ZBTB25: variants seen among roughly 807,000 people sequenced by gnomAD.
ZBTB25 encodes the protein zinc finger and BTB domain-containing protein 25.
ZBTB25 carries 20 observed loss-of-function variants against 34.2 expected under a neutral mutation model. That is an observed-to-expected ratio of 0.58 (90% CI 0.41 to 0.85). The LOEUF is 0.85. ZBTB25 is among the 40% of genes least tolerant of loss of function. The probability of loss-of-function intolerance (pLI) is 0.00; values close to 1 mark genes in which losing one functional copy is unlikely to be tolerated. For missense variants in ZBTB25, 437 were observed against 521.8 expected (o/e 0.84, Z 1.58); for synonymous variants, 175 against 186.4 (o/e 0.94, Z 0.50).
chr14:64,471,707 A>T (rs574684344), intron 2 of ZBTB25: 41 of 161,150 alleles, frequency 2.5e-4, no homozygotes, highest in African/African-American at 1.0e-3. Context: ...TACTTGAAAC[A>T]GATGAAGTAA....
rs1295079323 is a variant in ZBTB25, at chr14:64,479,560, A to G, written c.*7363T>C. On this transcript the variant is annotated 3_prime_UTR_variant, in exon 3 of 3. Transcript: ENST00000608382. ...CAAAATCTGAATCAGTAGACTGCGTAAAGAAGATCACCCTCCCTGATGTGG... is the reference window on the plus strand; with the variant it reads ...CAAAATCTGAATCAGTAGACTGCGTGAAGAAGATCACCCTCCCTGATGTGG... 5 of 152,382 alleles carry G rather than the reference A, an allele frequency of 3.3e-5. No individual in the cohort carries two copies. In the East Asian group the frequency reaches 5.8e-4, roughly 18 times the overall value. The allele number at this position is 152,382 out of a possible 1,614,324, so 9.4% of individuals were successfully genotyped here. A position where few individuals can be genotyped will look rare whatever the true frequency, so the allele number is the denominator to read the frequency against.
At chr14:64,465,011 A>G (rs992790560) in intron 2 of ZBTB25, among the ~76,000 whole-genome samples, 9 of 152,158 alleles carry the variant, frequency 5.9e-5, no homozygotes, top group Non-Finnish European at 8.8e-5. Context: ...GTTTCCATTT[A>G]TATATGTAAT....
rs2078853526 is a variant in ZBTB25, at chr14:64,485,960, GT to G, written c.*962del. ...TTTATCTATGTGTGTATATCTTACT[GT>G]TTCTTAAATATTTTTTAATGTCTCT... On this transcript the variant is annotated 3_prime_UTR_variant, in exon 3 of 3. Coordinates refer to ENST00000608382, the MANE Select transcript of ZBTB25 (RefSeq NM_006977.5). 1.3e-5 allele frequency: 13 copies of G among 984,490 alleles called. No individual in the cohort carries two copies. The highest frequency in any genetic ancestry group is 1.6e-5 in the Non-Finnish European group (13 of 829,346). 61.0% of individuals were successfully genotyped at this position (984,490 alleles called of 1,614,324 possible).
intron 2 of ZBTB25, chr14:64,467,653 T>C (rs1350581219): frequency 6.6e-6 from 1 of 151,998 alleles, no homozygotes; most frequent in Non-Finnish European, 1.5e-5. Context: ...TCTAGTTGCA[T>C]GGCTTTTGAC....
At position 64,503,782 on chromosome 14, in the gene ZBTB25, G is replaced by T; in HGVS notation, c.-129C>A. ...TCGGCCGCCTCTCGCGCGGCTTCCC[G>T]CGCCGGCAGCCCGCGATGGCCCCAC... On this transcript the variant is annotated 5_prime_UTR_variant, in exon 1 of 3. Transcript: ENST00000608382. 1 of 205,594 alleles carries T rather than the reference G, an allele frequency of 4.9e-6. No individual in the cohort carries two copies. Among genetic ancestry groups the T allele is most frequent in the Non-Finnish European group, 8.6e-6 (1 of 116,830 alleles). 12.7% of individuals were successfully genotyped at this position (205,594 alleles called of 1,614,324 possible). A position where few individuals can be genotyped will look rare whatever the true frequency, so the allele number is the denominator to read the frequency against.
At chr14:64,458,863 G>A (rs1169179283) in intron 2 of ZBTB25, among the ~76,000 whole-genome samples, 1 of 152,198 alleles carries the variant, frequency 6.6e-6, no homozygotes, top group Non-Finnish European at 1.5e-5. Context: ...AACAGGACGT[G>A]TCTCTCCTTA....
intron 2 of ZBTB25, chr14:64,467,055 T>G (rs2141002202): frequency 6.6e-6 from 1 of 152,344 alleles, no homozygotes; most frequent in African/African-American, 2.4e-5. Context: ...CGTGGTTCAA[T>G]TATGAGTTGA....
chr14:64,459,167 G>C (rs2140994907), intron 2 of ZBTB25, among the ~76,000 whole-genome samples: 1 of 152,288 alleles, frequency 6.6e-6, no homozygotes, highest in South Asian at 2.1e-4. Flanking sequence ...GCAAGGGTTT[G>C]CCACCCCACA....
In ZBTB25 at chr14:64,454,551, T is replaced by A. The variant is rs547403830; in HGVS notation, c.174-4913A>T. 5.9e-5 allele frequency among the ~76,000 whole-genome samples: 9 copies of A among 152,198 alleles called. No homozygotes were observed. The South Asian group carries it at 1.9e-3, about 32-fold the overall frequency. On this transcript the variant is annotated intron_variant, in intron 2 of 2. Transcript: ENST00000555220. Reference sequence around the variant, plus strand: ...AACTCCCTCACCCAACAGTTCTTTTTTTTTTTTTTTGGCTTAATAAATAAG... The same window carrying A: ...AACTCCCTCACCCAACAGTTCTTTTATTTTTTTTTTGGCTTAATAAATAAG...
downstream of ZBTB25, among the ~76,000 whole-genome samples, chr14:64,476,986 G>A (rs944524114): frequency 6.6e-6 from 1 of 152,170 alleles, no homozygotes; most frequent in African/African-American, 2.4e-5. Context: ...TTTACATACA[G>A]CAAAATCCAC....
chr14:64,468,351 A>AAGAG (rs1566586775), intron 2 of ZBTB25: 1 of 1,514,846 alleles, frequency 6.6e-7, no homozygotes, highest in East Asian at 2.3e-5. Context: ...GCTGCTAAGG[A>AAGAG]AGAGAGAATA....
chr14:64,488,586 A>T (rs1452983140), intron 2 of ZBTB25, among the ~76,000 whole-genome samples: 1 of 152,254 alleles, frequency 6.6e-6, no homozygotes, highest in Non-Finnish European at 1.5e-5. Flanking sequence ...TTATTCAACC[A>T]TAAAAAGAAG....
rs1310980747 is a variant in ZBTB25 at position 64,478,368 on chromosome 14, G to A, written c.*8555C>T. The A allele has an allele frequency of 6.6e-6, 1 of 152,242 alleles. No individual in the cohort carries two copies. The highest frequency in any genetic ancestry group is 1.5e-5 in the Non-Finnish European group (1 of 68,054). 9.4% of individuals were successfully genotyped at this position (152,242 alleles called of 1,614,324 possible). ...GAATGGGTTGGAAAGTATGAGAGAA[G>A]AAAGTCAGTTGTTGAACCACAGTTG... is the stretch of plus-strand genomic sequence containing the variant. On this transcript the variant is annotated 3_prime_UTR_variant, in exon 3 of 3. Transcript: ENST00000608382.
chr14:64,485,449 T>C lies in ZBTB25; in HGVS notation c.*1474A>G, dbSNP rs910506116. 6.1e-6 allele frequency: 6 copies of C among 985,292 alleles called. No individual in the cohort carries two copies. The highest frequency in any genetic ancestry group is 5.2e-4 in the Middle Eastern group (1 of 1,936). The allele number at this position is 985,292 out of a possible 1,614,324, so 61.0% of individuals were successfully genotyped here. A position where few individuals can be genotyped will look rare whatever the true frequency, so the allele number is the denominator to read the frequency against. ...TCAGAAACAATTTAGATCTATCCTT[T>C]GTGGTGAAGCTTAACCAGCTATTTC... On this transcript the variant is annotated 3_prime_UTR_variant, in exon 3 of 3. Coordinates refer to ENST00000608382, the MANE Select transcript of ZBTB25 (RefSeq NM_006977.5).
intron 2 of ZBTB25, chr14:64,460,047 C>T (rs2078536398): frequency 1.2e-6 from 1 of 859,922 alleles, no homozygotes. Context: ...ACAGACTGTG[C>T]CACAGGTCTC....
In ZBTB25 at chr14:64,493,571, C is replaced by T. The variant is rs556199087; in HGVS notation, c.-7-3031G>A. Among the ~76,000 whole-genome samples, 49 of 152,168 alleles carry T rather than the reference C, an allele frequency of 3.2e-4. 1 individual carries two copies. Among genetic ancestry groups the T allele is most frequent in the African/African-American group, 1.2e-3 (48 of 41,520 alleles). On this transcript the variant is annotated intron_variant, in intron 1 of 2. Coordinates refer to ENST00000608382, the MANE Select transcript of ZBTB25 (RefSeq NM_006977.5). ...GCATGGAGAAAGACTGGCTAGGAGCCTACTATGGTATCAAAGTAATCGCAG... is the reference window on the plus strand; with the variant it reads ...GCATGGAGAAAGACTGGCTAGGAGCTTACTATGGTATCAAAGTAATCGCAG...
At position 64,484,055 on chromosome 14, in the gene ZBTB25, TG is replaced by T. The variant is rs1332083710; in HGVS notation, c.*2867del. 6.6e-6 allele frequency: 1 copy of T among 151,718 alleles called. No individual in the cohort carries two copies. Among genetic ancestry groups the T allele is most frequent in the East Asian group, 1.9e-4 (1 of 5,186 alleles). 9.4% of individuals were successfully genotyped at this position (151,718 alleles called of 1,614,324 possible). A position where few individuals can be genotyped will look rare whatever the true frequency, so the allele number is the denominator to read the frequency against. On this transcript the variant is annotated 3_prime_UTR_variant, in exon 3 of 3. Transcript: ENST00000608382. Reference sequence around the variant, plus strand: ...CACTGCATCTCTGGAATTCAGCTTTTGGGATTTTTTTTCTATAAAATGAAGT... The same window carrying T: ...CACTGCATCTCTGGAATTCAGCTTTTGGATTTTTTTTCTATAAAATGAAGT...
rs1470032227 is a variant in ZBTB25, at chr14:64,478,718, T to C, written c.*8205A>G. The C allele has an allele frequency of 6.6e-6, 1 of 152,250 alleles. No individual in the cohort carries two copies. Among genetic ancestry groups the C allele is most frequent in the East Asian group, 1.9e-4 (1 of 5,202 alleles). 9.4% of individuals were successfully genotyped at this position (152,250 alleles called of 1,614,324 possible). On this transcript the variant is annotated 3_prime_UTR_variant, in exon 3 of 3. Transcript: ENST00000608382. ...AAAGAGGGATGTCAAGATATTGCAG[T>C]ACCTTATGAAATTTTAAGAAAATTC...
chr14:64,469,407 T>C lies in ZBTB25; in HGVS notation c.174-19769A>G, dbSNP rs1228038823. The C allele has an allele frequency of 4.3e-6, 7 of 1,613,888 alleles. No homozygotes were observed. The African/African-American group carries it at 8.0e-5, about 18-fold the overall frequency. On this transcript the variant is annotated intron_variant, in intron 2 of 2. Coordinates refer to the ZBTB25 transcript ENST00000555220. ...GAAGAAAGCAAAAGAATGGAGCCAA[T>C]TGCTATTATTATTACAGACACTGAA...
Sources: allele counts gnomAD v4.1 joint callset (sites outside exome capture counted in the v4.1 genomes callset), GRCh38; gene constraint gnomAD v4.1.1; transcripts MANE v1.5; gene names NCBI Gene and HGNC (gene_info 2026-07-23, HGNC 2026-07-21).